The following KCNIP1 variants were observed in gnomAD, a reference collection of about 807,000 sequenced individuals.
The protein encoded by KCNIP1 is A-type potassium channel modulatory protein KCNIP1.
In KCNIP1, 18 loss-of-function variants were observed where a neutral mutation model predicts 33.0. The ratio of observed to expected loss-of-function variants is 0.55; its 90% confidence interval spans 0.38 to 0.81. The LOEUF (loss-of-function observed/expected upper bound fraction) is 0.81, where lower values mean the gene tolerates loss of function less well. Ranked by LOEUF, KCNIP1 falls within the 30% of genes least tolerant of loss-of-function variation. The probability of loss-of-function intolerance (pLI) is 0.00; values close to 1 mark genes in which losing one functional copy is unlikely to be tolerated. For missense variants in KCNIP1, 238 were observed against 271.6 expected, an observed-to-expected ratio of 0.88 and a Z score of 0.87; for synonymous variants, 93 against 98.3, an observed-to-expected ratio of 0.95 and a Z score of 0.32.
rs1488439733 is a variant in KCNIP1, at chr5:170,587,145, G to C, written c.61+82512G>C. 2.0e-5 allele frequency among the ~76,000 whole-genome samples: 3 copies of C among 152,124 alleles called. No homozygotes were observed. The East Asian group carries it at 5.8e-4, about 29-fold the overall frequency. Reference sequence around the variant, plus strand: ...GCTTAAAACTAATAAAAATGGGCCGGGTGCAGTGGCTCATGCCTGTAATCC... The same window carrying C: ...GCTTAAAACTAATAAAAATGGGCCGCGTGCAGTGGCTCATGCCTGTAATCC... On this transcript the variant is annotated intron_variant, in intron 1 of 7. Transcript: ENST00000328939.
intron 1 of KCNIP1, among the ~76,000 whole-genome samples, chr5:170,527,073 C>T (rs942301381): frequency 1.3e-5 from 2 of 152,128 alleles, no homozygotes; most frequent in African/African-American, 4.8e-5. Context: ...GCATCACCTT[C>T]TCTGGGATGC....
intron 5 of KCNIP1, among the ~76,000 whole-genome samples, chr5:170,729,463 C>T (rs1030299569): frequency 6.6e-6 from 1 of 151,780 alleles, no homozygotes; most frequent in Non-Finnish European, 1.5e-5. Context: ...ATGGTAGATG[C>T]GTAAAAATAC....
intron 1 of KCNIP1, among the ~76,000 whole-genome samples, chr5:170,367,882 A>T (rs1187509454): frequency 1.3e-5 from 2 of 152,370 alleles, no homozygotes; most frequent in East Asian, 3.9e-4. Context: ...TAAGCAAATC[A>T]TCACAGCTGT....
chr5:170,706,027 A>G (rs1763247123), intron 1 of KCNIP1, among the ~76,000 whole-genome samples: 1 of 152,214 alleles, frequency 6.6e-6, no homozygotes. Context: ...GGGCAGTGAG[A>G]TGATTAGATC....
intron 1 of KCNIP1, among the ~76,000 whole-genome samples, chr5:170,396,452 A>G (rs1047746822): frequency 6.6e-6 from 1 of 152,244 alleles, no homozygotes; most frequent in African/African-American, 2.4e-5. Context: ...AGTTCTGAGA[A>G]CATGTGTCCA....
intron 1 of KCNIP1, among the ~76,000 whole-genome samples, chr5:170,390,518 ATATAT>A (rs1561601479): frequency 1.7e-4 from 14 of 84,116 alleles, no homozygotes; most frequent in South Asian, 4.4e-4. Flanking sequence ...AAAAAAACAA[ATATAT>A]ATATATATAT....
chr5:170,474,785 C>G (rs1756814623), intron 1 of KCNIP1, among the ~76,000 whole-genome samples: 1 of 152,176 alleles, frequency 6.6e-6, no homozygotes, highest in East Asian at 1.9e-4. Flanking sequence ...AAGAATGAAG[C>G]CACCAGACCT....
At chr5:170,579,693 G>T (rs1158182571) in intron 1 of KCNIP1, among the ~76,000 whole-genome samples, 1 of 152,202 alleles carries the variant, frequency 6.6e-6, no homozygotes, top group African/African-American at 2.4e-5. Flanking sequence ...TCTTCAGACT[G>T]CCCCAAGAGA....
intron 1 of KCNIP1, among the ~76,000 whole-genome samples, chr5:170,428,117 C>A (rs1383704943): frequency 6.6e-6 from 1 of 152,154 alleles, no homozygotes; most frequent in African/African-American, 2.4e-5. Flanking sequence ...GTCCCAGGGA[C>A]AACATCTGTG....
intron 1 of KCNIP1, among the ~76,000 whole-genome samples, chr5:170,453,935 G>A (rs1756314214): frequency 6.6e-6 from 1 of 152,228 alleles, no homozygotes; most frequent in African/African-American, 2.4e-5. Flanking sequence ...AGCCTGACAA[G>A]TAAAATACAG....
chr5:170,505,326 G>A (rs903758750), intron 1 of KCNIP1, among the ~76,000 whole-genome samples: 2 of 152,162 alleles, frequency 1.3e-5, no homozygotes, highest in Non-Finnish European at 1.5e-5. Context: ...CTCACCATCC[G>A]TGGGAGAGTC....
intron 1 of KCNIP1, among the ~76,000 whole-genome samples, chr5:170,684,984 C>T (rs1762492682): frequency 6.6e-6 from 1 of 152,132 alleles, no homozygotes; most frequent in South Asian, 2.1e-4. Context: ...TTCTCTCTGT[C>T]TACTTAATCT....
At position 170,364,481 on chromosome 5, in the gene KCNIP1, C is replaced by T. The variant is rs1007491693; in HGVS notation, c.88+10517C>T. Among the ~76,000 whole-genome samples, 3 of 152,348 alleles carry T rather than the reference C, an allele frequency of 2.0e-5. No homozygotes were observed. The East Asian group carries it at 5.8e-4, about 29-fold the overall frequency. On this transcript the variant is annotated intron_variant, in intron 1 of 7. Coordinates refer to the KCNIP1 transcript ENST00000377360. Reference sequence around the variant, plus strand: ...ATCATATACGATTATAATCCCCTTACTGGAAACTGTCTCCAGTGGTTTCTT... The same window carrying T: ...ATCATATACGATTATAATCCCCTTATTGGAAACTGTCTCCAGTGGTTTCTT...
intron 1 of KCNIP1, among the ~76,000 whole-genome samples, chr5:170,629,723 G>A (rs1473547899): frequency 2.0e-5 from 3 of 151,904 alleles, no homozygotes; most frequent in Non-Finnish European, 4.4e-5. Context: ...CCACAACCCC[G>A]GCACCAGCAC....
chr5:170,654,304 T>G (rs560248724), intron 1 of KCNIP1, among the ~76,000 whole-genome samples: 1 of 152,304 alleles, frequency 6.6e-6, no homozygotes, highest in African/African-American at 2.4e-5. Context: ...GGCACTGTGC[T>G]TCAGGGCCAT....
At chr5:170,452,441 T>C (rs570304168) in intron 1 of KCNIP1, among the ~76,000 whole-genome samples, 158 of 152,290 alleles carry the variant, frequency 1.0e-3, no homozygotes, top group Non-Finnish European at 1.9e-3. Flanking sequence ...TGTAAATTTC[T>C]GCCTGGAATG....
intron 1 of KCNIP1, among the ~76,000 whole-genome samples, chr5:170,462,287 T>C (rs1215196797): frequency 3.4e-5 from 3 of 89,166 alleles, no homozygotes; most frequent in Non-Finnish European, 7.2e-5. Flanking sequence ...AAAAAAAAAC[T>C]ACCAAAAAAA....
chr5:170,354,483 G>A (rs1487023205), intron 1 of KCNIP1, among the ~76,000 whole-genome samples: 3 of 152,190 alleles, frequency 2.0e-5, no homozygotes, highest in Non-Finnish European at 4.4e-5. Context: ...CTCTCATAGG[G>A]TTCCAGCGTC....
intron 1 of KCNIP1, among the ~76,000 whole-genome samples, chr5:170,659,375 G>A (rs1282617939): frequency 1.3e-5 from 2 of 152,144 alleles, no homozygotes; most frequent in Non-Finnish European, 2.9e-5. Context: ...AGGCATGGGT[G>A]GGAGTAGAGG....
Sources: gnomAD v4.1 joint callset for allele counts (sites outside exome capture counted in the v4.1 genomes callset) on GRCh38, gnomAD v4.1.1 for gene constraint, MANE v1.5 for transcripts, NCBI Gene and HGNC (gene_info 2026-07-23, HGNC 2026-07-21) for gene names.